The following ACSBG1 variants were observed in gnomAD, a reference collection of about 807,000 sequenced individuals.
ACSBG1 encodes the protein acyl-CoA synthetase bubblegum family member 1.
A neutral mutation model predicts 80.2 loss-of-function variants in ACSBG1; 39 were observed. That is an observed-to-expected ratio of 0.49 (90% confidence interval 0.38 to 0.64). The LOEUF (loss-of-function observed/expected upper bound fraction) is 0.64. ACSBG1 is among the 30% of genes least tolerant of loss of function. The probability of loss-of-function intolerance (pLI) is 0.00; values close to 1 mark genes in which losing one functional copy is unlikely to be tolerated. For synonymous variants in ACSBG1, 392 were observed against 379.5 expected (o/e 1.03, Z -0.38); for missense variants, 828 against 966.4 (o/e 0.86, Z 1.90).
chr15:78,181,694 C>T (rs1157263295), intron 8 of ACSBG1, among the ~76,000 whole-genome samples: 5 of 152,114 alleles, frequency 3.3e-5, no homozygotes, highest in South Asian at 2.1e-4. Context: ...GGGGTTTCAC[C>T]GTGTTAGCCA....
At position 78,171,421 on chromosome 15, in the gene ACSBG1, G is replaced by GA; in HGVS notation, c.*22dup. On this transcript the variant is annotated 3_prime_UTR_variant, in exon 14 of 14. Coordinates refer to ENST00000258873, the MANE Select transcript of ACSBG1 (RefSeq NM_015162.5). ...CGGAACGCCTGCCCTCTATTCTATAGAAACTGCAGGCATAGGCCCTGATTA... is the reference window on the plus strand; with the variant it reads ...CGGAACGCCTGCCCTCTATTCTATAGAAAACTGCAGGCATAGGCCCTGATTA... 6.2e-7 allele frequency: 1 copy of GA among 1,603,036 alleles called. No homozygotes were observed. The highest frequency in any genetic ancestry group is 8.5e-7 in the Non-Finnish European group (1 of 1,170,164).
At position 78,193,512 on chromosome 15, in the gene ACSBG1, G is replaced by T. The variant is rs190883235; in HGVS notation, c.657C>A (p.Ile219=). 7.5e-6 allele frequency: 12 copies of T among 1,610,690 alleles called. No individual in the cohort carries two copies. Among genetic ancestry groups the T allele is most frequent in the Non-Finnish European group, 9.3e-6 (11 of 1,178,048 alleles). ...CACTGCCTCTTCCCCAAACCTTCAG[G>T]ATCTTTTCCAGCTGCTTCTGCGTGT... The part of the protein sequence containing the change: ...MVDTQKQLEK[I]LKIWKQLPHL... Residue 219 remains isoleucine, a synonymous_variant, in exon 5 of 14, where the codon ATC becomes ATA. Coordinates refer to ENST00000258873, the MANE Select transcript of ACSBG1 (RefSeq NM_015162.5).
intron 11 of ACSBG1, 170 bp from the exon 12 acceptor site, chr15:78,174,694 G>C (rs1011733054): frequency 1.7e-5 from 12 of 724,946 alleles, no homozygotes; most frequent in Middle Eastern, 8.0e-4. Context: ...CACCTGCTTG[G>C]GGGCTGGTGG....
At position 78,169,394 on chromosome 15, in the gene ACSBG1, G is replaced by A. The variant is rs2074791669; in HGVS notation, c.*2050C>T. 1 of 154,160 alleles carries A rather than the reference G, an allele frequency of 6.5e-6. No homozygotes were observed. The highest frequency in any genetic ancestry group is 2.4e-5 in the African/African-American group (1 of 41,498). 9.5% of individuals were successfully genotyped at this position (154,160 alleles called of 1,614,324 possible). ...TTTAAGAAAAACCTTATTTTCTTCG[G>A]TTTTTGAAAAACATAATGGAAATAA... is the stretch of plus-strand genomic sequence containing the variant. On this transcript the variant is annotated 3_prime_UTR_variant, in exon 14 of 14. Coordinates refer to ENST00000258873, the MANE Select transcript of ACSBG1 (RefSeq NM_015162.5).
chr15:78,212,609 G>A (rs1479626192), intron 1 of ACSBG1: 2 of 455,892 alleles, frequency 4.4e-6, no homozygotes, highest in Non-Finnish European at 4.4e-6. Context: ...GGTGCCTGGG[G>A]GGTGGCTGCA....
At chr15:78,208,247 A>G in intron 1 of ACSBG1, 145 bp from the exon 2 acceptor site, 1 of 673,714 alleles carries the variant, frequency 1.5e-6, no homozygotes, top group Non-Finnish European at 2.7e-6. Context: ...GGCCATCCAC[A>G]GAGGAGAACC....
At chr15:78,210,071 G>A (rs1354995041) in intron 1 of ACSBG1, among the ~76,000 whole-genome samples, 1 of 152,206 alleles carries the variant, frequency 6.6e-6, no homozygotes, top group African/African-American at 2.4e-5. Flanking sequence ...TTATAGGGAC[G>A]ATGAGGCTGT....
At chr15:78,192,637 T>C (rs2075066191) in intron 5 of ACSBG1, among the ~76,000 whole-genome samples, 1 of 152,188 alleles carries the variant, frequency 6.6e-6, no homozygotes, top group East Asian at 1.9e-4. Flanking sequence ...CTGGCCCCAC[T>C]TGCTTTTCTC....
intron 5 of ACSBG1, among the ~76,000 whole-genome samples, chr15:78,186,626 G>A (rs1022416140): frequency 6.6e-6 from 1 of 151,966 alleles, no homozygotes; most frequent in Non-Finnish European, 1.5e-5. Flanking sequence ...TGAAACCAAC[G>A]AGAACAAAGA....
chr15:78,212,686 G>C, intron 1 of ACSBG1: 1 of 438,220 alleles, frequency 2.3e-6, no homozygotes, highest in Non-Finnish European at 4.6e-6. Context: ...CCCCGGGAGA[G>C]CCACAGCAGC....
chr15:78,183,896 C>T (rs1416606974), intron 5 of ACSBG1, among the ~76,000 whole-genome samples: 93 of 27,068 alleles, frequency 3.4e-3, no homozygotes, highest in African/African-American at 0.013. Flanking sequence ...GCGGGTGGGG[C>T]GGGGAACACT....
chr15:78,234,019 ATC>A (rs963439000), intron 1 of ACSBG1, among the ~76,000 whole-genome samples: 2 of 152,172 alleles, frequency 1.3e-5, no homozygotes, highest in African/African-American at 4.8e-5. Flanking sequence ...ACCAAAACTT[ATC>A]TGTCTTTGAC....
At chr15:78,202,641 A>AAGC (rs1410524675) in intron 2 of ACSBG1, among the ~76,000 whole-genome samples, 2 of 152,246 alleles carry the variant, frequency 1.3e-5, no homozygotes, top group African/African-American at 4.8e-5. Flanking sequence ...AAAGAACTTG[A>AAGC]AGCAGCAAAA....
intron 10 of ACSBG1, chr15:78,179,081 G>T: frequency 1.8e-6 from 1 of 543,914 alleles, no homozygotes. Context: ...AGGCTGGCAG[G>T]GAGAGGAGAT....
Position 78,234,529 on chromosome 15 carries a change from T to G in ACSBG1, c.-28A>C, listed in dbSNP as rs1192327694. On this transcript the variant is annotated 5_prime_UTR_variant, in exon 1 of 14. Transcript: ENST00000258873. Reference sequence around the variant, plus strand: ...GCCTCGGGCTTCCACTGAAGACAGCTCAGTCACCCACTGAGAGAGGCTAGC... The same window carrying G: ...GCCTCGGGCTTCCACTGAAGACAGCGCAGTCACCCACTGAGAGAGGCTAGC... 1.3e-6 allele frequency: 2 copies of G among 1,592,448 alleles called. No individual in the cohort carries two copies. The highest frequency in any genetic ancestry group is 2.7e-5 in the African/African-American group (2 of 74,458).
intron 11 of ACSBG1, among the ~76,000 whole-genome samples, chr15:78,176,521 AT>A (rs1434859344): frequency 6.6e-6 from 1 of 152,154 alleles, no homozygotes; most frequent in Non-Finnish European, 1.5e-5. Flanking sequence ...GAGAAAAAAA[AT>A]TTTGCGGCAA....
chr15:78,222,607 T>C (rs913612491), intron 1 of ACSBG1, among the ~76,000 whole-genome samples: 18 of 152,304 alleles, frequency 1.2e-4, no homozygotes, highest in Admixed American at 4.6e-4. Flanking sequence ...GCCAGGTTTA[T>C]GCAACTTCAC....
intron 8 of ACSBG1, among the ~76,000 whole-genome samples, chr15:78,181,333 T>C (rs2054240748): frequency 6.6e-6 from 1 of 151,978 alleles, no homozygotes; most frequent in Admixed American, 6.6e-5. Flanking sequence ...TTCCTCACAG[T>C]TAAAATAAGG....
chr15:78,174,617 C>T (rs994089445), intron 11 of ACSBG1, 93 bp from the exon 12 acceptor site: 27 of 1,460,102 alleles, frequency 1.8e-5, no homozygotes, highest in Middle Eastern at 4.0e-4. Flanking sequence ...CCGGAAGCCT[C>T]AGCACAGCTG....
Sources: allele counts gnomAD v4.1 joint callset (sites outside exome capture counted in the v4.1 genomes callset), GRCh38; gene constraint gnomAD v4.1.1; transcripts MANE v1.5; gene names NCBI Gene and HGNC (gene_info 2026-07-23, HGNC 2026-07-21).